The following SYNE2 variants were observed in gnomAD, a reference collection of about 807,000 sequenced individuals.
The protein encoded by SYNE2 is spectrin repeat containing nuclear envelope protein 2.
In SYNE2, 431 loss-of-function variants were observed where a neutral mutation model predicts 856.3. The ratio of observed to expected loss-of-function variants is 0.50; its 90% CI spans 0.47 to 0.55. SYNE2 has a LOEUF of 0.55. Ranked by LOEUF, SYNE2 falls within the 20% of genes least tolerant of loss-of-function variation. The pLI, the probability that SYNE2 is intolerant of heterozygous loss-of-function variation, is 0.00. For missense variants in SYNE2, 8,129 were observed against 8,023.2 expected (o/e 1.01, Z -0.50); for synonymous variants, 2,923 against 2,872.3 (o/e 1.02, Z -0.56).
intron 2 of SYNE2, among the ~76,000 whole-genome samples, chr14:63,915,144 C>G (rs1438018758): frequency 6.6e-6 from 1 of 152,234 alleles, no homozygotes; most frequent in South Asian, 2.1e-4. Context: ...TTATTTATAT[C>G]AATGTGCTTA....
At chr14:64,141,217 T>G in intron 80 of SYNE2, 124 bp from the exon 81 acceptor site, 1 of 733,598 alleles carries the variant, frequency 1.4e-6, no homozygotes, top group South Asian at 1.9e-5. Flanking sequence ...GGGGTGTGTG[T>G]GTGTGTGTGT....
rs916845471 is a variant in SYNE2 at position 64,087,882 on chromosome 14, A to G, written c.11670+26A>G. ...GTAAGTTTGCACCATTCATTTAATC[A>G]TTCAGGATTAAATTAGAGGCTGGGC... On this transcript the variant is annotated intron_variant, in intron 58 of 115. Transcript: ENST00000555002. 1.9e-6 allele frequency: 3 copies of G among 1,609,214 alleles called. No homozygotes were observed. The African/African-American group carries it at 4.0e-5, about 22-fold the overall frequency.
chr14:64,122,461 T>G, intron 70 of SYNE2, 34 bp downstream of exon 70: 2 of 1,613,960 alleles, frequency 1.2e-6, no homozygotes, highest in South Asian at 1.1e-5. Flanking sequence ...AAATAGCCTG[T>G]TTATCTTTGA....
intron 1 of SYNE2, among the ~76,000 whole-genome samples, chr14:63,862,182 T>C (rs1447588758): frequency 6.6e-6 from 1 of 152,264 alleles, no homozygotes; most frequent in Admixed American, 6.5e-5. Context: ...ACATTATAGA[T>C]AAAACTTATC....
intron 8 of SYNE2, among the ~76,000 whole-genome samples, chr14:63,955,335 C>CCCG (rs1212419774): frequency 2.0e-5 from 3 of 152,174 alleles, no homozygotes; most frequent in African/African-American, 4.8e-5. Flanking sequence ...CTGCTGCCTT[C>CCCG]CCGTCTGTCC....
intron 3 of SYNE2, 79 bp from the exon 4 acceptor site, chr14:63,941,616 A>C (rs533983598): frequency 4.0e-6 from 5 of 1,246,982 alleles, no homozygotes; most frequent in Admixed American, 1.8e-5. Flanking sequence ...GTTTTTCACA[A>C]AGCACATTTA....
chr14:63,792,549 TGTCTCCAAAGAAAAAAAGAG>T (rs1887770940), intron 1 of SYNE2, among the ~76,000 whole-genome samples: 2 of 152,156 alleles, frequency 1.3e-5, no homozygotes, highest in Admixed American at 1.3e-4. Context: ...AGCAAAACTC[TGTCTCCAAAGAAAAAAAGAG>T]CTGGAATAAC....
Position 64,016,462 on chromosome 14 carries a change from C to CT in SYNE2, c.4729-5dup. On this transcript the variant is annotated splice_polypyrimidine_tract_variant and intron_variant, in intron 32 of 115. Transcript: ENST00000555002. ...AAAATATCAGAAATAACTTTCATAT[C>CT]TTTTTTACAGATTGAAATTGTCAAA... is the stretch of plus-strand genomic sequence containing the variant. The CT allele has an allele frequency of 2.6e-6, 4 of 1,538,960 alleles. No homozygotes were observed. The highest frequency in any genetic ancestry group is 2.2e-4 in the Middle Eastern group (1 of 4,454).
At chr14:64,210,442 G>A (rs561028726) in intron 103 of SYNE2, among the ~76,000 whole-genome samples, 1 of 152,316 alleles carries the variant, frequency 6.6e-6, no homozygotes, top group Admixed American at 6.5e-5. Context: ...CGCTGGGTCT[G>A]GAAAAGGCAA....
intron 96 of SYNE2, among the ~76,000 whole-genome samples, chr14:64,183,643 C>T (rs916569951): frequency 2.0e-5 from 3 of 152,198 alleles, no homozygotes; most frequent in African/African-American, 4.8e-5. Context: ...ACTGAGTGAA[C>T]GAGACTCCGT....
At chr14:64,021,780 C>CAA in intron 36 of SYNE2, 77 bp from the exon 37 acceptor site, 1 of 1,504,472 alleles carries the variant, frequency 6.6e-7, no homozygotes. Flanking sequence ...TTTTACAAAA[C>CAA]AATTGAGATC....
intron 20 of SYNE2, 59 bp from the exon 21 acceptor site, chr14:63,990,878 GTTAAC>G: frequency 1.5e-6 from 2 of 1,355,414 alleles, no homozygotes; most frequent in Non-Finnish European, 1.0e-6. Flanking sequence ...CAAAGTATTT[GTTAAC>G]TTAAGAATTT....
chr14:64,215,013 T>C (rs907197441), intron 106 of SYNE2, among the ~76,000 whole-genome samples: 5 of 152,198 alleles, frequency 3.3e-5, no homozygotes, highest in Non-Finnish European at 5.9e-5. Context: ...GTACTGAGAT[T>C]GCAGACATGA....
intron 45 of SYNE2, among the ~76,000 whole-genome samples, chr14:64,041,350 A>G (rs1427608689): frequency 5.9e-5 from 9 of 152,200 alleles, no homozygotes; most frequent in Non-Finnish European, 1.0e-4. Context: ...TTAAAACAGT[A>G]TGCTTTTGTT....
rs1435640062 is a variant in SYNE2, at chr14:63,814,735, TATATATATCC to T, written c.-304-37747_-304-37738del. On this transcript the variant is annotated intron_variant, in intron 1 of 23. Coordinates refer to the SYNE2 transcript ENST00000674003. ...CCATATATATCCATATATATATCCA[TATATATATCC>T]ATATATATCCATATATATATCCATA... is the stretch of plus-strand genomic sequence containing the variant. Among the ~76,000 whole-genome samples the T allele has an allele frequency of 7.1e-4, 80 of 112,762 alleles. 2 individuals are homozygous for T. In the East Asian group the frequency reaches 0.012, roughly 17 times the overall value. 74.0% of individuals were successfully genotyped at this position (112,762 alleles called of 152,430 possible).
intron 99 of SYNE2, among the ~76,000 whole-genome samples, chr14:64,195,889 G>T (rs1212681470): frequency 6.6e-6 from 1 of 152,198 alleles, no homozygotes. Context: ...CAGATGTGAG[G>T]CTCCTCACTT....
At chr14:63,880,922 C>G (rs2094847642) in intron 1 of SYNE2, among the ~76,000 whole-genome samples, 1 of 151,832 alleles carries the variant, frequency 6.6e-6, no homozygotes. Context: ...TGTCGGCTCA[C>G]TGCAACCTCT....
At position 64,167,393 on chromosome 14, in the gene SYNE2, A is replaced by G. The variant is rs756707482; in HGVS notation, c.16760+6A>G. 13 of 1,614,104 alleles carry G rather than the reference A, an allele frequency of 8.1e-6. No individual in the cohort carries two copies. Among genetic ancestry groups the G allele is most frequent in the Non-Finnish European group, 1.1e-5 (13 of 1,180,054 alleles). On this transcript the variant is annotated splice_donor_region_variant and intron_variant, in intron 91 of 115. Coordinates refer to ENST00000555002, the MANE Select transcript of SYNE2 (RefSeq NM_182914.3). ...ACGGCACTGGAGCGCTGCAGGTTAGAACATCCCTTCTCTGTCGTTGTTTCA... is the reference window on the plus strand; with the variant it reads ...ACGGCACTGGAGCGCTGCAGGTTAGGACATCCCTTCTCTGTCGTTGTTTCA...
intron 2 of SYNE2, among the ~76,000 whole-genome samples, chr14:63,927,989 T>C (rs2095692520): frequency 6.6e-6 from 1 of 151,936 alleles, no homozygotes; most frequent in Admixed American, 6.6e-5. Context: ...CTTTATAAAT[T>C]ACCTAGTCTT....
Sources: gnomAD v4.1 joint callset for allele counts (sites outside exome capture counted in the v4.1 genomes callset) on GRCh38, gnomAD v4.1.1 for gene constraint, MANE v1.5 for transcripts, NCBI Gene and HGNC (gene_info 2026-07-23, HGNC 2026-07-21) for gene names.